The following CCDC62 variants were observed in gnomAD, a reference collection of about 807,000 sequenced individuals.
The protein encoded by CCDC62 is coiled-coil domain-containing protein 62.
CCDC62 carries 72 observed loss-of-function variants against 80.8 expected under a neutral mutation model. The ratio of observed to expected loss-of-function variants is 0.89; its 90% CI spans 0.74 to 1.08. The LOEUF (loss-of-function observed/expected upper bound fraction) is 1.08. Ranked by LOEUF, CCDC62 falls within the 50% of genes least tolerant of loss-of-function variation. The probability of loss-of-function intolerance (pLI) is 0.00; values close to 1 mark genes in which losing one functional copy is unlikely to be tolerated. For synonymous variants in CCDC62, 286 were observed against 296.5 expected (o/e 0.96, Z 0.36); for missense variants, 704 against 809.4 (o/e 0.87, Z 1.58).
intron 11 of CCDC62, among the ~76,000 whole-genome samples, chr12:122,816,217 GAAGATTTCTTCTTC>G (rs2032157948): frequency 6.6e-6 from 1 of 152,168 alleles, no homozygotes; most frequent in African/African-American, 2.4e-5. Flanking sequence ...TGTTTCCTAG[GAAGATTTCTTCTTC>G]ACAAGCTGTC....
chr12:122,809,772 T>C (rs1693286553), intron 10 of CCDC62, among the ~76,000 whole-genome samples: 1 of 152,126 alleles, frequency 6.6e-6, no homozygotes, highest in Non-Finnish European at 1.5e-5. Flanking sequence ...CAAACTATAC[T>C]ACAAGGCTAC....
At chr12:122,826,255 CT>C (rs1242200521) in intron 12 of CCDC62, among the ~76,000 whole-genome samples, 166 bp from the exon 13 acceptor site, 1 of 152,034 alleles carries the variant, frequency 6.6e-6, no homozygotes, top group African/African-American at 2.4e-5. Context: ...CTCCTCTCCC[CT>C]CCCTCTCTCC....
chr12:122,799,925 G>A (rs75482067), intron 8 of CCDC62, among the ~76,000 whole-genome samples: 6,668 of 151,602 alleles, frequency 0.044, 270 homozygotes, highest in East Asian at 0.24. Flanking sequence ...AGCTGCTGCC[G>A]CTGCCACCAG....
chr12:122,801,788 C>T lies in CCDC62; in HGVS notation c.1642C>T (p.Arg548Cys), dbSNP rs765144942. The change falls in exon 9 of 13, where the codon CGC becomes TGC. Residue 548 changes from arginine to cysteine, a missense_variant. By Grantham distance (180) the Arg-to-Cys change is radical. Coordinates refer to ENST00000253079, the MANE Select transcript of CCDC62 (RefSeq NM_201435.5). Reference protein sequence around the residue: ...FKPSKMQRIVRLKSGCTCSES... With the variant: ...FKPSKMQRIVCLKSGCTCSES... ...GCCTTCCAAAATGCAGAGAATTGTC[C>T]GCCTCAAATCTGGGTGCACCTGTTC... 2.2e-5 allele frequency: 36 copies of T among 1,613,848 alleles called. No homozygotes were observed. Among genetic ancestry groups the T allele is most frequent in the South Asian group, 1.1e-4 (10 of 91,074 alleles).
At chr12:122,792,145 T>C in intron 6 of CCDC62, 24 bp downstream of exon 6, 1 of 1,391,678 alleles carries the variant, frequency 7.2e-7, no homozygotes, top group Non-Finnish European at 1.0e-6. Context: ...TCGAATGTAT[T>C]TGTAACCTAG....
chr12:122,778,402 G>C (rs1388115499), intron 2 of CCDC62, among the ~76,000 whole-genome samples: 1 of 150,768 alleles, frequency 6.6e-6, no homozygotes, highest in Non-Finnish European at 1.5e-5. Context: ...GTTGCAAAAA[G>C]TTTATTTGAC....
rs768590973 is a variant in CCDC62, at chr12:122,788,757, G to A, written c.499-1G>A. 1 of 1,544,076 alleles carries A rather than the reference G, an allele frequency of 6.5e-7. No individual in the cohort carries two copies. The highest frequency in any genetic ancestry group is 2.3e-5 in the Admixed American group (1 of 43,724). The stretch of plus-strand genomic sequence containing the variant: ...TAACCATTTTCAAATTTGGTTTTTA[G>A]GACAAAGATATTATTGAGGCAGTTA... On this transcript the variant is annotated splice_acceptor_variant, in intron 4 of 12. Coordinates refer to ENST00000253079, the MANE Select transcript of CCDC62 (RefSeq NM_201435.5). LOFTEE classifies it high-confidence loss of function.
chr12:122,776,169 A>G (rs1452274519), intron 1 of CCDC62, among the ~76,000 whole-genome samples: 1 of 152,156 alleles, frequency 6.6e-6, no homozygotes, highest in African/African-American at 2.4e-5. Context: ...GTCTTGTTTA[A>G]TCTTCACCAC....
intron 3 of CCDC62, among the ~76,000 whole-genome samples, chr12:122,782,027 A>C (rs2029895739): frequency 6.9e-6 from 1 of 145,534 alleles, no homozygotes; most frequent in South Asian, 2.2e-4. Context: ...CTGGGTGACA[A>C]AAAAAAAAAA....
chr12:122,791,952 C>A, intron 5 of CCDC62, 68 bp from the exon 6 acceptor site: 2 of 1,010,294 alleles, frequency 2.0e-6, no homozygotes, highest in Non-Finnish European at 3.1e-6. Context: ...GAGAGTTAGG[C>A]ATAGTGTGTA....
intron 5 of CCDC62, among the ~76,000 whole-genome samples, chr12:122,790,375 A>G (rs942862754): frequency 1.3e-5 from 2 of 152,158 alleles, no homozygotes; most frequent in East Asian, 3.9e-4. Context: ...AGAAAAGAAA[A>G]ATAGTGGCTG....
intron 1 of CCDC62, 99 bp downstream of exon 1, chr12:122,774,805 A>C: frequency 1.0e-6 from 1 of 973,752 alleles, no homozygotes; most frequent in Non-Finnish European, 1.3e-6. Context: ...AAAATGTGAA[A>C]CAGGCCGGGC....
At chr12:122,797,572 G>A (rs879538225) in intron 7 of CCDC62, among the ~76,000 whole-genome samples, 177 bp downstream of exon 7, 4 of 151,928 alleles carry the variant, frequency 2.6e-5, no homozygotes, top group East Asian at 1.9e-4. Context: ...ACGGAGTCTC[G>A]CACTGTCAAC....
intron 3 of CCDC62, among the ~76,000 whole-genome samples, chr12:122,784,728 G>A (rs1056567687): frequency 1.3e-5 from 2 of 152,040 alleles, no homozygotes; most frequent in East Asian, 1.9e-4. Context: ...CCAGCTACTC[G>A]GGACACTGAG....
intron 11 of CCDC62, among the ~76,000 whole-genome samples, chr12:122,819,514 T>G (rs148397022): frequency 7.4e-4 from 113 of 152,340 alleles, no homozygotes; most frequent in African/African-American, 2.6e-3. Flanking sequence ...TACTTCTGCA[T>G]GTGTATGAAA....
At chr12:122,812,777 G>GAGAGAGAGAGAGAAAA (rs750420995) in intron 10 of CCDC62, among the ~76,000 whole-genome samples, 1 of 57,760 alleles carries the variant, frequency 1.7e-5, no homozygotes, top group African/African-American at 7.8e-5. Flanking sequence ...GAGAGAGAGA[G>GAGAGAGAGAGAGAAAA]AGAAAGAAAG....
intron 7 of CCDC62, 24 bp from the exon 8 acceptor site, chr12:122,798,061 T>A: frequency 8.7e-7 from 1 of 1,151,266 alleles, no homozygotes; most frequent in East Asian, 2.4e-5. Context: ...ACATTTCATG[T>A]TGATTTGTCA....
chr12:122,801,580 T>A lies in CCDC62; in HGVS notation c.1434T>A (p.His478Gln). ...TGACCAACTGTCCAAGTTCAAAACATCCAGAAAAGCTGGATGTAGAATGTC... is the reference window on the plus strand; with the variant it reads ...TGACCAACTGTCCAAGTTCAAAACAACCAGAAAAGCTGGATGTAGAATGTC... ...LGLTNCPSSK[H>Q]PEKLDVECQD... Residue 478 changes from histidine to glutamine, a missense_variant, in exon 9 of 13, where the codon CAT becomes CAA. Physicochemically the swap from His to Gln is conservative, Grantham distance 24. Transcript: ENST00000253079. 1 of 1,614,040 alleles carries A rather than the reference T, an allele frequency of 6.2e-7. No individual in the cohort carries two copies. Among genetic ancestry groups the A allele is most frequent in the Non-Finnish European group, 8.5e-7 (1 of 1,180,014 alleles).
chr12:122,785,800 A>G lies in CCDC62; in HGVS notation c.478A>G (p.Thr160Ala), dbSNP rs770621998. ...GQLQAREQAL[T>A]TMIKLKDKDI... ...GCTACAAGCTCGAGAACAAGCTCTT[A>G]CGACAATGATAAAGCTAAAGGTAAT... Residue 160 changes from threonine (T) to alanine (A), a missense_variant, in exon 4 of 13, where the codon ACG (threonine) becomes GCG (alanine). By Grantham distance (58) the Thr-to-Ala change is moderately conservative. Transcript: ENST00000253079. 1.2e-6 allele frequency: 2 copies of G among 1,610,398 alleles called. No homozygotes were observed. Among genetic ancestry groups the G allele is most frequent in the South Asian group, 2.2e-5 (2 of 91,020 alleles).
Sources: allele counts gnomAD v4.1 joint callset (sites outside exome capture counted in the v4.1 genomes callset), GRCh38; gene constraint gnomAD v4.1.1; transcripts MANE v1.5; gene names NCBI Gene and HGNC (gene_info 2026-07-23, HGNC 2026-07-21).